The following GRIK1 variants were observed in gnomAD, a reference collection of about 807,000 sequenced individuals.
GRIK1 encodes glutamate receptor ionotropic, kainate 1.
Under a neutral mutation model 105.7 loss-of-function variants are expected in GRIK1, and 69 were observed. That is an observed-to-expected ratio of 0.65 (90% CI 0.54 to 0.80). GRIK1 has a LOEUF of 0.80. GRIK1 is among the 30% of genes least tolerant of loss of function. The pLI is 0.00. For missense variants in GRIK1, 1,109 were observed against 1,167.3 expected, an observed-to-expected ratio of 0.95 and a Z score of 0.73; for synonymous variants, 438 against 431.3, an observed-to-expected ratio of 1.02 and a Z score of -0.19.
intron 1 of GRIK1, among the ~76,000 whole-genome samples, chr21:29,861,480 A>AT (rs1215961164): frequency 7.3e-5 from 11 of 151,410 alleles, no homozygotes; most frequent in East Asian, 3.9e-4. Flanking sequence ...TGATTTTTGT[A>AT]TTTTTTTTGT....
intron 1 of GRIK1, among the ~76,000 whole-genome samples, chr21:29,765,499 G>T (rs1446834586): frequency 6.6e-6 from 1 of 151,986 alleles, no homozygotes; most frequent in African/African-American, 2.4e-5. Flanking sequence ...CATTCCTTCT[G>T]TCTTCTGTCA....
chr21:29,904,909 A>G (rs976607650), intron 1 of GRIK1, among the ~76,000 whole-genome samples: 2 of 152,160 alleles, frequency 1.3e-5, no homozygotes, highest in African/African-American at 4.8e-5. Context: ...CACAGCGTTC[A>G]TGTGGCCACA....
At chr21:29,902,185 AT>A (rs1034449674) in intron 1 of GRIK1, among the ~76,000 whole-genome samples, 40 of 152,172 alleles carry the variant, frequency 2.6e-4, no homozygotes, top group African/African-American at 8.7e-4. Context: ...CTCACAGCCA[AT>A]GTCATACTGA....
At chr21:29,560,357 TTTTCTTTCTTCCTTC>T (rs2090390011) in intron 15 of GRIK1, among the ~76,000 whole-genome samples, 94 of 58,124 alleles carry the variant, frequency 1.6e-3, no homozygotes, top group Admixed American at 6.8e-3. Flanking sequence ...CTTTCTTTCT[TTTTCTTTCTTCCTTC>T]CTTCCTTCCT....
chr21:29,664,481 T>A (rs2063022984), intron 4 of GRIK1, among the ~76,000 whole-genome samples: 1 of 152,192 alleles, frequency 6.6e-6, no homozygotes, highest in Admixed American at 6.5e-5. Flanking sequence ...ATTCCCTTTT[T>A]AGAGAAGTGG....
chr21:29,694,167 C>A, intron 1 of GRIK1, 104 bp from the exon 2 acceptor site: 1 of 757,710 alleles, frequency 1.3e-6, no homozygotes, highest in Non-Finnish European at 2.1e-6. Flanking sequence ...CTCTGTCACC[C>A]AGACTGGAGT....
At chr21:29,853,261 G>A (rs372184290) in intron 1 of GRIK1, among the ~76,000 whole-genome samples, 9 of 152,332 alleles carry the variant, frequency 5.9e-5, no homozygotes, top group East Asian at 3.9e-4. Context: ...TTACATAGCA[G>A]TACAGGGGTT....
chr21:29,726,320 G>A (rs1476214130), intron 1 of GRIK1, among the ~76,000 whole-genome samples: 1 of 152,074 alleles, frequency 6.6e-6, no homozygotes, highest in African/African-American at 2.4e-5. Context: ...TCTCATAGAT[G>A]AAATACAATT....
chr21:29,642,259 G>A (rs1339307562), intron 7 of GRIK1, among the ~76,000 whole-genome samples: 1 of 152,206 alleles, frequency 6.6e-6, no homozygotes, highest in Non-Finnish European at 1.5e-5. Context: ...CAGGACATCA[G>A]TGAAGATATC....
rs530965467 is a variant in GRIK1, at chr21:29,553,355, C to T, written c.2607+1697G>A. 11 of 1,201,054 alleles carry T rather than the reference C, an allele frequency of 9.2e-6. No individual in the cohort carries two copies. In the African/African-American group the frequency reaches 1.7e-4, roughly 19 times the overall value. 74.4% of individuals were successfully genotyped at this position (1,201,054 alleles called of 1,614,324 possible). Reference sequence around the variant, plus strand: ...TACACATTTCTAGAAGTCTTTATACCCCTAATATGCCCCTGCTTCAACATA... The same window carrying T: ...TACACATTTCTAGAAGTCTTTATACTCCTAATATGCCCCTGCTTCAACATA... On this transcript the variant is annotated intron_variant, in intron 16 of 17. Coordinates refer to ENST00000327783, the MANE Select transcript of GRIK1 (RefSeq NM_001330994.2).
At chr21:29,580,302 G>C (rs925555390) in intron 13 of GRIK1, among the ~76,000 whole-genome samples, 1 of 151,532 alleles carries the variant, frequency 6.6e-6, no homozygotes, top group Non-Finnish European at 1.5e-5. Flanking sequence ...TAGTATATGG[G>C]GTTTCCTGCA....
chr21:29,551,854 G>A (rs1486305551), intron 16 of GRIK1, among the ~76,000 whole-genome samples: 1 of 152,098 alleles, frequency 6.6e-6, no homozygotes, highest in East Asian at 1.9e-4. Flanking sequence ...CTGAATCCAT[G>A]AAATATGAAA....
At chr21:29,677,215 G>A (rs1032724892) in intron 3 of GRIK1, among the ~76,000 whole-genome samples, 5 of 152,178 alleles carry the variant, frequency 3.3e-5, no homozygotes, top group Admixed American at 2.6e-4. Context: ...TAGGTGAAGG[G>A]TGTACAGGAG....
chr21:29,662,028 T>C (rs1346871908), intron 4 of GRIK1, among the ~76,000 whole-genome samples: 2 of 152,238 alleles, frequency 1.3e-5, no homozygotes, highest in African/African-American at 4.8e-5. Flanking sequence ...GCAAAAGATA[T>C]TCCACAAAGA....
rs899013986 is a variant in GRIK1 at position 29,775,720 on chromosome 21, C to T, written c.119-81657G>A. 2.0e-5 allele frequency among the ~76,000 whole-genome samples: 3 copies of T among 152,020 alleles called. No individual in the cohort carries two copies. The South Asian group carries it at 6.2e-4, about 32-fold the overall frequency. On this transcript the variant is annotated intron_variant, in intron 1 of 17. Transcript: ENST00000327783. ...GCTCTCTACTAAGTCATTTTTTTAC[C>T]TTTCTCTTTCTTCAGTGGAAATTTG...
chr21:29,800,984 C>T (rs2145854567), intron 1 of GRIK1, among the ~76,000 whole-genome samples: 1 of 152,168 alleles, frequency 6.6e-6, no homozygotes, highest in Non-Finnish European at 1.5e-5. Context: ...AAAACAAGGG[C>T]CATGATCTCA....
intron 1 of GRIK1, among the ~76,000 whole-genome samples, chr21:29,898,696 T>C (rs554468615): frequency 6.6e-6 from 1 of 152,368 alleles, no homozygotes; most frequent in East Asian, 1.9e-4. Context: ...AGTGTGCTTT[T>C]TAGTGGATTC....
intron 1 of GRIK1, among the ~76,000 whole-genome samples, chr21:29,844,683 T>C (rs895235681): frequency 6.6e-6 from 1 of 152,228 alleles, no homozygotes; most frequent in Admixed American, 6.5e-5. Context: ...AACCATTCAA[T>C]ACCCTCACAT....
chr21:29,742,732 CT>C (rs2064960559), intron 1 of GRIK1, among the ~76,000 whole-genome samples: 1 of 152,166 alleles, frequency 6.6e-6, no homozygotes, highest in African/African-American at 2.4e-5. Context: ...TCTTCTAGTA[CT>C]TGTATGGTTT....
Sources: allele counts gnomAD v4.1 joint callset (sites outside exome capture counted in the v4.1 genomes callset), GRCh38; gene constraint gnomAD v4.1.1; transcripts MANE v1.5; gene names NCBI Gene and HGNC (gene_info 2026-07-23, HGNC 2026-07-21).